OSBPL11: variants seen among roughly 807,000 people sequenced by gnomAD.
OSBPL11 encodes oxysterol binding protein like 11.
Under a neutral mutation model 84.4 loss-of-function variants are expected in OSBPL11, and 33 were observed. That is an observed-to-expected ratio of 0.39 (90% confidence interval 0.30 to 0.52). OSBPL11 has a LOEUF of 0.52. Among genes scored for constraint, OSBPL11 ranks in the 20% least tolerant of loss-of-function variants. The pLI is 0.72. For synonymous variants in OSBPL11, 276 were observed against 310.2 expected (o/e 0.89, Z 1.16); for missense variants, 736 against 901.1 (o/e 0.82, Z 2.35).
At chr3:125,530,738 G>A (rs1403879326) in intron 12 of OSBPL11, among the ~76,000 whole-genome samples, 158 bp from the exon 13 acceptor site, 5 of 152,184 alleles carry the variant, frequency 3.3e-5, no homozygotes, top group African/African-American at 4.8e-5. Context: ...GACATCAAAC[G>A]ATGCCTGTGG....
chr3:125,535,654 T>C (rs1454386668), intron 11 of OSBPL11, among the ~76,000 whole-genome samples: 3 of 151,258 alleles, frequency 2.0e-5, no homozygotes, highest in South Asian at 2.1e-4. Flanking sequence ...TTTGTATTTT[T>C]AGTAGAGATG....
chr3:125,537,513 A>G (rs909569751), intron 11 of OSBPL11, among the ~76,000 whole-genome samples: 1 of 152,210 alleles, frequency 6.6e-6, no homozygotes, highest in Non-Finnish European at 1.5e-5. Flanking sequence ...TCCTTAGGAT[A>G]AATCCCTGTA....
At chr3:125,545,347 G>C (rs563829179) in intron 10 of OSBPL11, among the ~76,000 whole-genome samples, 4 of 152,278 alleles carry the variant, frequency 2.6e-5, no homozygotes, top group South Asian at 4.1e-4. Flanking sequence ...TTTAACAGAT[G>C]AATCAGAACT....
chr3:125,593,192 CCACG>C (rs1226100121), intron 1 of OSBPL11, among the ~76,000 whole-genome samples: 3 of 152,148 alleles, frequency 2.0e-5, no homozygotes, highest in Admixed American at 1.3e-4. Context: ...GGACGAAGCG[CCACG>C]GACAGGGGAC....
At chr3:125,579,544 A>T (rs1337353451) in intron 3 of OSBPL11, among the ~76,000 whole-genome samples, 1 of 152,354 alleles carries the variant, frequency 6.6e-6, no homozygotes, top group East Asian at 1.9e-4. Flanking sequence ...GGGCACGTAA[A>T]CTAAACCAAG....
At chr3:125,582,055 C>G (rs1435722672) in intron 2 of OSBPL11, among the ~76,000 whole-genome samples, 3 of 152,014 alleles carry the variant, frequency 2.0e-5, no homozygotes, top group Non-Finnish European at 2.9e-5. Context: ...TGTTGGGTGG[C>G]CAGGTGTGGT....
chr3:125,589,874 T>C (rs1384679429), intron 1 of OSBPL11, among the ~76,000 whole-genome samples: 2 of 152,168 alleles, frequency 1.3e-5, no homozygotes, highest in Non-Finnish European at 2.9e-5. Flanking sequence ...AGCTGTTTGC[T>C]AATGAGGAAA....
chr3:125,560,522 T>G lies in OSBPL11; in HGVS notation c.1015-3A>C. ...TCTGCATTTATTTCTTCAGGCTCCTTGATGGAAAACAAAGCAAAAGTCTAG... is the reference window on the plus strand; with the variant it reads ...TCTGCATTTATTTCTTCAGGCTCCTGGATGGAAAACAAAGCAAAAGTCTAG... On this transcript the variant is annotated splice_polypyrimidine_tract_variant and splice_region_variant and intron_variant, in intron 7 of 12. Transcript: ENST00000296220. 6.4e-7 allele frequency: 1 copy of G among 1,555,182 alleles called. No individual in the cohort carries two copies. Among genetic ancestry groups the G allele is most frequent in the Non-Finnish European group, 8.7e-7 (1 of 1,146,702 alleles).
At chr3:125,579,809 C>G in intron 3 of OSBPL11, 56 bp downstream of exon 3, 2 of 1,530,132 alleles carry the variant, frequency 1.3e-6, no homozygotes, top group East Asian at 2.3e-5. Context: ...TGTAAGACAC[C>G]AACTTCTCAA....
At chr3:125,568,362 C>T (rs371421003) in intron 5 of OSBPL11, among the ~76,000 whole-genome samples, 14 of 150,148 alleles carry the variant, frequency 9.3e-5, no homozygotes, top group African/African-American at 1.7e-4. Context: ...ACCTGGGAGA[C>T]GGAGCTTGCA....
Position 125,529,994 on chromosome 3 carries a change from AT to A in OSBPL11, c.*520del, listed in dbSNP as rs11458216. On this transcript the variant is annotated 3_prime_UTR_variant, in exon 13 of 13. Transcript: ENST00000296220. ...ATGCCTTGTTACCACAACCTGGTTG[AT>A]TTTTTTTTTTAAACACTGATTTCAG... 29 of 151,768 alleles carry A rather than the reference AT, an allele frequency of 1.9e-4. No homozygotes were observed. The highest frequency in any genetic ancestry group is 8.2e-4 in the South Asian group (4 of 4,870). The allele number at this position is 151,768 out of a possible 1,614,324, so 9.4% of individuals were successfully genotyped here.
chr3:125,571,125 C>A (rs1019652499), intron 5 of OSBPL11, among the ~76,000 whole-genome samples: 1 of 152,168 alleles, frequency 6.6e-6, no homozygotes, highest in African/African-American at 2.4e-5. Flanking sequence ...TTGTTGGGAA[C>A]TGGAGCAAAG....
chr3:125,562,850 C>T (rs1355100044), intron 7 of OSBPL11, among the ~76,000 whole-genome samples: 2 of 152,050 alleles, frequency 1.3e-5, no homozygotes, highest in Admixed American at 1.3e-4. Flanking sequence ...CACTGGAACC[C>T]CGGAGGCGGA....
At chr3:125,558,821 T>C (rs866268912) in intron 8 of OSBPL11, among the ~76,000 whole-genome samples, 1 of 152,202 alleles carries the variant, frequency 6.6e-6, no homozygotes, top group Non-Finnish European at 1.5e-5. Context: ...CAAACTTTAA[T>C]GTATATATGA....
chr3:125,532,523 T>C (rs1456528439), intron 11 of OSBPL11, among the ~76,000 whole-genome samples: 1 of 147,644 alleles, frequency 6.8e-6, no homozygotes, highest in Non-Finnish European at 1.5e-5. Context: ...TAACTCGCTG[T>C]CCAGAGTGTT....
chr3:125,576,745 G>A (rs1402213837), intron 4 of OSBPL11, among the ~76,000 whole-genome samples: 3 of 151,386 alleles, frequency 2.0e-5, no homozygotes, highest in South Asian at 2.1e-4. Context: ...GTGCAGTGGC[G>A]TGATCTTGGC....
intron 1 of OSBPL11, among the ~76,000 whole-genome samples, chr3:125,584,966 G>C (rs1020298146): frequency 4.9e-4 from 75 of 151,818 alleles, no homozygotes; most frequent in African/African-American, 1.7e-3. Context: ...TTGTGGGGAT[G>C]GGGGGGTCTC....
intron 8 of OSBPL11, among the ~76,000 whole-genome samples, chr3:125,558,718 A>C (rs1190351339): frequency 6.6e-6 from 1 of 152,258 alleles, no homozygotes; most frequent in African/African-American, 2.4e-5. Flanking sequence ...AATTAATGTC[A>C]TGGATTAATT....
chr3:125,586,179 A>T (rs928688851), intron 1 of OSBPL11, among the ~76,000 whole-genome samples: 5 of 152,250 alleles, frequency 3.3e-5, no homozygotes, highest in African/African-American at 1.2e-4. Context: ...AACATACCAC[A>T]TATCTGATTA....
Sources: allele counts gnomAD v4.1 joint callset (sites outside exome capture counted in the v4.1 genomes callset), GRCh38; gene constraint gnomAD v4.1.1; transcripts MANE v1.5; gene names NCBI Gene and HGNC (gene_info 2026-07-23, HGNC 2026-07-21).